Variants in CTNNA2 observed in about 807,000 individuals in gnomAD.
The protein encoded by CTNNA2 is catenin alpha 2, also known as catenin alpha-2.
Under a neutral mutation model 101.0 loss-of-function variants are expected in CTNNA2, and 42 were observed. The observed-to-expected ratio is 0.42, with a 90% confidence interval of 0.32 to 0.54. CTNNA2 has a LOEUF of 0.54. Ranked by LOEUF, CTNNA2 falls within the 20% of genes least tolerant of loss-of-function variation. The probability of loss-of-function intolerance (pLI) is 0.14; values close to 1 mark genes in which losing one functional copy is unlikely to be tolerated. For missense variants in CTNNA2, 871 were observed against 1,223.1 expected, an observed-to-expected ratio of 0.71 and a Z score of 4.29; for synonymous variants, 450 against 456.4, an observed-to-expected ratio of 0.99 and a Z score of 0.18.
In CTNNA2 at chr2:80,101,377, T is replaced by C. The variant is rs536838483; in HGVS notation, c.1056+191580T>C. 3.3e-5 allele frequency among the ~76,000 whole-genome samples: 5 copies of C among 152,334 alleles called. No homozygotes were observed. The South Asian group carries it at 1.0e-3, about 32-fold the overall frequency. The stretch of plus-strand genomic sequence containing the variant: ...TTGACACTGTACATTATGATTTTAA[T>C]CTGCCAAACCATCTCACACTGACTC... On this transcript the variant is annotated intron_variant, in intron 7 of 18. Transcript: ENST00000402739.
intron 4 of CTNNA2, among the ~76,000 whole-genome samples, chr2:79,452,512 G>T (rs565774230): frequency 2.6e-5 from 4 of 151,960 alleles, no homozygotes; most frequent in African/African-American, 9.6e-5. Context: ...AAATATTATA[G>T]TTAAGAGAGA....
At position 79,237,457 on chromosome 2, in the gene CTNNA2, G is replaced by A. The variant is rs374162683; in HGVS notation, c.-406+39381G>A. On this transcript the variant is annotated intron_variant, in intron 2 of 21. Transcript: ENST00000466387. ...ATTTTTGAAATGGTGAGTGAGCATT[G>A]CCTTCAACTCAAATTCACTAGCTGC... Among the ~76,000 whole-genome samples the A allele has an allele frequency of 3.9e-5, 6 of 152,250 alleles. No homozygotes were observed. In the South Asian group the frequency reaches 8.3e-4, roughly 21 times the overall value.
intron 14 of CTNNA2, among the ~76,000 whole-genome samples, chr2:80,588,777 TTTTG>T (rs763934087): frequency 5.9e-5 from 9 of 152,042 alleles, no homozygotes; most frequent in Non-Finnish European, 1.3e-4. Context: ...GGCAGGGGAT[TTTTG>T]TTGGGCATCT....
At chr2:80,518,259 T>A (rs1175981301) in intron 9 of CTNNA2, among the ~76,000 whole-genome samples, 1 of 152,204 alleles carries the variant, frequency 6.6e-6, no homozygotes, top group East Asian at 1.9e-4. Context: ...GGATGTGGAA[T>A]GTTATAATGG....
At chr2:79,894,941 T>G (rs1467748250) in intron 6 of CTNNA2, among the ~76,000 whole-genome samples, 3 of 152,218 alleles carry the variant, frequency 2.0e-5, no homozygotes, top group Middle Eastern at 3.2e-3. Context: ...TATCAGTTTA[T>G]CCATCCTAAC....
chr2:79,560,798 A>G (rs1215316162), intron 1 of CTNNA2, among the ~76,000 whole-genome samples: 1 of 151,958 alleles, frequency 6.6e-6, no homozygotes, highest in Non-Finnish European at 1.5e-5. Context: ...GAAAATGTTC[A>G]CCATCAGCTA....
intron 3 of CTNNA2, among the ~76,000 whole-genome samples, chr2:79,349,914 AAAC>A (rs1677346686): frequency 6.6e-6 from 1 of 151,900 alleles, no homozygotes; most frequent in Admixed American, 6.6e-5. Flanking sequence ...TCTCTACTAA[AAAC>A]ACAAAAATTA....
chr2:80,577,101 T>G (rs115057050), intron 13 of CTNNA2, among the ~76,000 whole-genome samples: 1 of 152,186 alleles, frequency 6.6e-6, no homozygotes, highest in African/African-American at 2.4e-5. Flanking sequence ...AATTCTGTCT[T>G]GGTTATTCAT....
chr2:80,107,576 A>G (rs1054355884), intron 7 of CTNNA2, among the ~76,000 whole-genome samples: 3 of 152,192 alleles, frequency 2.0e-5, no homozygotes, highest in Admixed American at 2.0e-4. Flanking sequence ...CCATCCTTCA[A>G]GTGTCTGGGC....
intron 7 of CTNNA2, chr2:80,304,969 CACG>C: frequency 1.4e-6 from 1 of 698,786 alleles, no homozygotes; most frequent in South Asian, 6.5e-5. Flanking sequence ...TAGCATCATC[CACG>C]ACAAGATATT....
At chr2:80,510,235 A>G (rs1290826184) in intron 9 of CTNNA2, among the ~76,000 whole-genome samples, 9 of 152,120 alleles carry the variant, frequency 5.9e-5, no homozygotes, top group Admixed American at 3.9e-4. Context: ...AACCCCACAA[A>G]ACACCATACA....
At chr2:79,838,317 G>C (rs1233360205) in intron 3 of CTNNA2, among the ~76,000 whole-genome samples, 1 of 152,124 alleles carries the variant, frequency 6.6e-6, no homozygotes, top group Non-Finnish European at 1.5e-5. Flanking sequence ...GTTTAGATCA[G>C]AGGAAAGTAT....
At chr2:80,115,337 G>A (rs951709777) in intron 7 of CTNNA2, among the ~76,000 whole-genome samples, 3 of 152,146 alleles carry the variant, frequency 2.0e-5, no homozygotes, top group Non-Finnish European at 4.4e-5. Flanking sequence ...AACAGACATG[G>A]TATACACTTA....
intron 9 of CTNNA2, among the ~76,000 whole-genome samples, chr2:80,455,579 A>G (rs1683903549): frequency 6.6e-6 from 1 of 152,192 alleles, no homozygotes; most frequent in Non-Finnish European, 1.5e-5. Flanking sequence ...TATCTTTTGT[A>G]CCTTCATTCC....
chr2:80,240,712 G>A (rs1186350653), intron 7 of CTNNA2, among the ~76,000 whole-genome samples: 1 of 152,040 alleles, frequency 6.6e-6, no homozygotes, highest in African/African-American at 2.4e-5. Flanking sequence ...AGGTATAGAG[G>A]CAAGAAGATC....
chr2:80,356,675 CCATTTTAATGGCCAGGAT>C (rs959103941), intron 7 of CTNNA2, among the ~76,000 whole-genome samples: 2 of 152,086 alleles, frequency 1.3e-5, no homozygotes, highest in African/African-American at 4.8e-5. Context: ...ATGTGCCTGG[CCATTTTAATGGCCAGGAT>C]CATTGCAGCC....
chr2:79,378,615 A>G (rs1193529869), intron 4 of CTNNA2, among the ~76,000 whole-genome samples: 1 of 152,122 alleles, frequency 6.6e-6, no homozygotes, highest in East Asian at 1.9e-4. Flanking sequence ...GTAGTTTGAG[A>G]GTTTCCATTC....
chr2:80,493,989 TTGGATAAG>T (rs1220168081), intron 9 of CTNNA2, among the ~76,000 whole-genome samples: 1 of 152,106 alleles, frequency 6.6e-6, no homozygotes, highest in Non-Finnish European at 1.5e-5. Flanking sequence ...TGAATGAAGG[TTGGATAAG>T]TGGATAAGTG....
intron 2 of CTNNA2, among the ~76,000 whole-genome samples, chr2:79,298,393 C>T (rs887169327): frequency 5.3e-5 from 8 of 152,156 alleles, no homozygotes; most frequent in African/African-American, 1.9e-4. Flanking sequence ...CCAGGTCCAC[C>T]TCCAATGTTC....
Sources: gnomAD v4.1 joint callset for allele counts (sites outside exome capture counted in the v4.1 genomes callset) on GRCh38, gnomAD v4.1.1 for gene constraint, MANE v1.5 for transcripts, NCBI Gene and HGNC (gene_info 2026-07-23, HGNC 2026-07-21) for gene names.